The following FPR2 variants were observed in gnomAD, a reference collection of about 807,000 sequenced individuals.
FPR2 encodes the protein N-formyl peptide receptor 2.
A neutral mutation model predicts 4.0 loss-of-function variants in FPR2; 3 were observed. The ratio of observed to expected loss-of-function variants is 0.74; its 90% CI spans 0.34 to 1.92. The LOEUF (loss-of-function observed/expected upper bound fraction) is 1.92. FPR2 is among the 30% of genes most tolerant of loss of function. FPR2 has a pLI of 0.07. For synonymous variants in FPR2, 179 were observed against 171.5 expected, an observed-to-expected ratio of 1.04 and a Z score of -0.34; for missense variants, 372 against 435.7, an observed-to-expected ratio of 0.85 and a Z score of 1.30.
In FPR2 at chr19:51,764,574, C is replaced by T. The variant is rs2083858870; in HGVS notation, c.-15+3344C>T. Reference sequence around the variant, plus strand: ...AGTCACTTCCGCTCTCTGAGCCGTACTTTCCTACCTGTTACACAAGGACAG... The same window carrying T: ...AGTCACTTCCGCTCTCTGAGCCGTATTTTCCTACCTGTTACACAAGGACAG... On this transcript the variant is annotated intron_variant, in intron 1 of 1. Transcript: ENST00000340023. Among the ~76,000 whole-genome samples, 6 of 152,170 alleles carry T rather than the reference C, an allele frequency of 3.9e-5. 1 individual carries two copies. In the South Asian group the frequency reaches 1.0e-3, roughly 26 times the overall value.
Position 51,769,158 on chromosome 19 carries a change from T to C in FPR2, c.500T>C (p.Val167Ala), listed in dbSNP as rs1264253969. 5 of 1,614,170 alleles carry C rather than the reference T, an allele frequency of 3.1e-6. No individual in the cohort carries two copies. The highest frequency in any genetic ancestry group is 4.2e-6 in the Non-Finnish European group (5 of 1,180,036). Residue 167 changes from valine (V) to alanine (A), a missense_variant, in exon 2 of 2, where the codon GTA becomes GCA. Coordinates refer to ENST00000340023, the MANE Select transcript of FPR2 (RefSeq NM_001005738.2). This position sits in a 1 kb window ranked among gnomAD's most constrained non-coding sequence, Gnocchi z 4.4. ...TLPVFLFLTT[V>A]TIPNGDTYCT... ...CCAGTTTTCCTCTTTTTGACTACAG[T>C]AACTATTCCAAATGGGGACACATAC...
At chr19:51,768,432 AT>A in intron 1 of FPR2, 1 of 526,230 alleles carries the variant, frequency 1.9e-6, no homozygotes, top group Non-Finnish European at 3.4e-6. Context: ...CGAAATGCAT[AT>A]TGATAATGAT....
At chr19:51,767,370 T>G (rs566829051) in intron 1 of FPR2, among the ~76,000 whole-genome samples, 2 of 151,736 alleles carry the variant, frequency 1.3e-5, no homozygotes, top group Admixed American at 6.6e-5. Flanking sequence ...ATGTTTTGGG[T>G]TTTTGTTCTT....
chr19:51,761,204 C>T lies in FPR2; in HGVS notation c.-41C>T, dbSNP rs890118730. 3 of 152,210 alleles carry T rather than the reference C, an allele frequency of 2.0e-5. No individual in the cohort carries two copies. Among genetic ancestry groups the T allele is most frequent in the African/African-American group, 7.2e-5 (3 of 41,442 alleles). 9.4% of individuals were successfully genotyped at this position (152,210 alleles called of 1,614,324 possible). ...TGTTGCTCCACAGGAAGCCAAGAAG[C>T]ACACAGGAAAAGGAGCTTAGCTGCT... On this transcript the variant is annotated 5_prime_UTR_variant, in exon 1 of 2. Coordinates refer to ENST00000340023, the MANE Select transcript of FPR2 (RefSeq NM_001005738.2).
intron 1 of FPR2, among the ~76,000 whole-genome samples, chr19:51,768,045 T>C (rs1226541791): frequency 6.6e-6 from 1 of 152,084 alleles, no homozygotes; most frequent in African/African-American, 2.4e-5. Context: ...TTTGCTGACT[T>C]CCTCTAGTGC....
chr19:51,761,514 T>C (rs2083838179), intron 1 of FPR2, among the ~76,000 whole-genome samples: 1 of 152,228 alleles, frequency 6.6e-6, no homozygotes, highest in African/African-American at 2.4e-5. Flanking sequence ...AAATGAAACA[T>C]ATTATTATAA....
At chr19:51,768,544 G>C in intron 1 of FPR2, 101 bp from the exon 2 acceptor site, 1 of 919,328 alleles carries the variant, frequency 1.1e-6, no homozygotes, top group Non-Finnish European at 1.6e-6. Flanking sequence ...TGGGTCTCCT[G>C]GTAGGAGTGG....
At chr19:51,767,945 C>T (rs777368968) in intron 1 of FPR2, among the ~76,000 whole-genome samples, 11 of 152,000 alleles carry the variant, frequency 7.2e-5, no homozygotes, top group South Asian at 4.1e-4. Context: ...TACAAATCGG[C>T]ACTGATTATT....
At chr19:51,763,839 C>A (rs2083853651) in intron 1 of FPR2, among the ~76,000 whole-genome samples, 1 of 152,276 alleles carries the variant, frequency 6.6e-6, no homozygotes, top group South Asian at 2.1e-4. Context: ...CTCACTGCAA[C>A]CTCCGCCTTC....
Position 51,769,272 on chromosome 19 carries a change from G to A in FPR2, c.614G>A (p.Arg205Gln), listed in dbSNP as rs138440882. The A allele has an allele frequency of 9.9e-5, 160 of 1,614,160 alleles. No homozygotes were observed. The Admixed American group carries it at 1.2e-3, about 12-fold the overall frequency. Reference sequence around the variant, plus strand: ...ATGCTGACAGCCAGAGGGATTATCCGGTTTGTCATTGGCTTTAGCTTGCCG... The same window carrying A: ...ATGCTGACAGCCAGAGGGATTATCCAGTTTGTCATTGGCTTTAGCTTGCCG... ...ITMLTARGIIRFVIGFSLPMS... is the reference protein window; with the variant it reads ...ITMLTARGIIQFVIGFSLPMS... Residue 205 changes from arginine (R) to glutamine (Q), a missense_variant, in exon 2 of 2, where the codon CGG (arginine) becomes CAG (glutamine). Arg to Gln is a conservative substitution (Grantham distance 43). Coordinates refer to ENST00000340023, the MANE Select transcript of FPR2 (RefSeq NM_001005738.2). This position sits in a 1 kb window ranked among gnomAD's most constrained non-coding sequence, Gnocchi z 4.4.
chr19:51,763,948 G>A (rs1384061498), intron 1 of FPR2, among the ~76,000 whole-genome samples: 2 of 152,054 alleles, frequency 1.3e-5, no homozygotes, highest in Non-Finnish European at 2.9e-5. Flanking sequence ...TAGTAGAGAT[G>A]AGGTTTCACC....
chr19:51,764,635 T>C, intron 1 of FPR2, among the ~76,000 whole-genome samples: 1 of 152,190 alleles, frequency 6.6e-6, no homozygotes, highest in East Asian at 1.9e-4. Flanking sequence ...TAATCAGAGA[T>C]GATAAAATAT....
intron 1 of FPR2, among the ~76,000 whole-genome samples, chr19:51,763,827 A>G (rs1439000276): frequency 1.3e-5 from 2 of 152,118 alleles, no homozygotes; most frequent in African/African-American, 4.8e-5. Flanking sequence ...GTGCGATCTC[A>G]GCTCACTGCA....
At chr19:51,762,810 A>T (rs2083846695) in intron 1 of FPR2, 1 of 152,288 alleles carries the variant, frequency 6.6e-6, no homozygotes, top group Non-Finnish European at 1.5e-5. Context: ...CCTGCCTGAC[A>T]GGACCATGGA....
At chr19:51,768,194 A>C (rs2083878315) in intron 1 of FPR2, among the ~76,000 whole-genome samples, 1 of 152,176 alleles carries the variant, frequency 6.6e-6, no homozygotes, top group Non-Finnish European at 1.5e-5. Flanking sequence ...TCACAGTTTG[A>C]GGGACAGGAG....
rs368100562 is a variant in FPR2 at position 51,769,599 on chromosome 19, T to C, written c.941T>C (p.Ile314Thr). ...FVGQDFRERL[I>T]HSLPTSLERA... ...GGCCAAGACTTCCGAGAGAGACTGATCCACTCCCTGCCCACCAGTCTGGAG... is the reference window on the plus strand; with the variant it reads ...GGCCAAGACTTCCGAGAGAGACTGACCCACTCCCTGCCCACCAGTCTGGAG... Residue 314 changes from isoleucine to threonine, a missense_variant, in exon 2 of 2, where the codon ATC becomes ACC. Coordinates refer to ENST00000340023, the MANE Select transcript of FPR2 (RefSeq NM_001005738.2). This position sits in a 1 kb window ranked among gnomAD's most constrained non-coding sequence, Gnocchi z 4.4. The C allele has an allele frequency of 6.2e-7, 1 of 1,614,178 alleles. No individual in the cohort carries two copies. Among genetic ancestry groups the C allele is most frequent in the Non-Finnish European group, 8.5e-7 (1 of 1,180,028 alleles).
At chr19:51,765,495 CTG>C (rs2122358027) in intron 1 of FPR2, among the ~76,000 whole-genome samples, 1 of 152,290 alleles carries the variant, frequency 6.6e-6, no homozygotes, top group South Asian at 2.1e-4. Flanking sequence ...TCAATATTCA[CTG>C]TGTCTCAGGA....
At position 51,770,410 on chromosome 19, in the gene FPR2, A is replaced by T. The variant is rs1004359620; in HGVS notation, c.*696A>T. 4.2e-5 allele frequency: 7 copies of T among 167,096 alleles called. No individual in the cohort carries two copies. Among genetic ancestry groups the T allele is most frequent in the African/African-American group, 1.7e-4 (7 of 41,460 alleles). 10.4% of individuals were successfully genotyped at this position (167,096 alleles called of 1,614,324 possible). A position where few individuals can be genotyped will look rare whatever the true frequency, so the allele number is the denominator to read the frequency against. On this transcript the variant is annotated 3_prime_UTR_variant, in exon 2 of 2. Coordinates refer to ENST00000340023, the MANE Select transcript of FPR2 (RefSeq NM_001005738.2). ...TATCCTTGCTAAGTTTTCATAGAAA[A>T]TAAGGAACAAAGAGAAACTTGTAAT...
At chr19:51,767,306 G>A (rs1365265841) in intron 1 of FPR2, among the ~76,000 whole-genome samples, 1 of 152,206 alleles carries the variant, frequency 6.6e-6, no homozygotes, top group Non-Finnish European at 1.5e-5. Context: ...GGGACTTTGT[G>A]TTGAACTGGA....
Sources: gnomAD v4.1 joint callset for allele counts (sites outside exome capture counted in the v4.1 genomes callset) on GRCh38, gnomAD v4.1.1 for gene constraint, Gnocchi (gnomAD v3.1) non-coding constraint, MANE v1.5 for transcripts, NCBI Gene and HGNC (gene_info 2026-07-23, HGNC 2026-07-21) for gene names.